Variants in APBB2 observed in about 807,000 individuals in gnomAD.
APBB2 encodes the protein Fe65-like 1.
A neutral mutation model predicts 82.5 loss-of-function variants in APBB2; 38 were observed. That is an observed-to-expected ratio of 0.46 (90% CI 0.36 to 0.60). The LOEUF (loss-of-function observed/expected upper bound fraction) is 0.60. APBB2 is among the 20% of genes least tolerant of loss of function. APBB2 has a pLI of 0.00. For missense variants in APBB2, 772 were observed against 972.3 expected, an observed-to-expected ratio of 0.79 and a Z score of 2.74; for synonymous variants, 341 against 368.2, an observed-to-expected ratio of 0.93 and a Z score of 0.85.
chr4:41,159,907 A>AAGGAGAAGGAGGAGGAGG (rs1267899128), intron 1 of APBB2, among the ~76,000 whole-genome samples: 1 of 35,620 alleles, frequency 2.8e-5, no homozygotes, highest in African/African-American at 1.3e-4. Flanking sequence ...GAAGAAGGAG[A>AAGGAGAAGGAGGAGGAGG]AGGAGGAGGA....
intron 10 of APBB2, among the ~76,000 whole-genome samples, chr4:40,932,544 A>T (rs1236290511): frequency 6.6e-6 from 1 of 152,168 alleles, no homozygotes; most frequent in Non-Finnish European, 1.5e-5. Context: ...CTACTAAGAA[A>T]ACCTATTTGC....
intron 6 of APBB2, among the ~76,000 whole-genome samples, chr4:40,992,921 A>G (rs1802552028): frequency 6.6e-6 from 1 of 151,840 alleles, no homozygotes; most frequent in South Asian, 2.1e-4. Context: ...GTTCTAGTCT[A>G]CTCTGCTGCT....
intron 1 of APBB2, among the ~76,000 whole-genome samples, chr4:41,147,481 CTTTT>C (rs558746840): frequency 7.8e-5 from 8 of 103,106 alleles, no homozygotes; most frequent in South Asian, 4.0e-4. Flanking sequence ...GTTTGGCCAG[CTTTT>C]TTTTTTTTTT....
At chr4:41,032,567 G>C (rs1442741194) in intron 5 of APBB2, among the ~76,000 whole-genome samples, 1 of 151,982 alleles carries the variant, frequency 6.6e-6, no homozygotes, top group Admixed American at 6.6e-5. Flanking sequence ...ATTGAGAAAC[G>C]CAACACCAAC....
chr4:40,825,586 C>G (rs1749634125), intron 15 of APBB2, among the ~76,000 whole-genome samples: 1 of 152,250 alleles, frequency 6.6e-6, no homozygotes, highest in Admixed American at 6.5e-5. Context: ...CGTTTCAGAG[C>G]AGCGGAGCTC....
At chr4:40,951,401 T>G (rs1439002074) in intron 6 of APBB2, among the ~76,000 whole-genome samples, 2 of 152,230 alleles carry the variant, frequency 1.3e-5, no homozygotes, top group African/African-American at 4.8e-5. Flanking sequence ...TTTCAGTACC[T>G]AAAAGATAAT....
At chr4:40,997,619 C>T (rs78689406) in intron 6 of APBB2, among the ~76,000 whole-genome samples, 6,368 of 152,192 alleles carry the variant, frequency 0.042, 271 homozygotes, top group African/African-American at 0.11. Flanking sequence ...AAGGGAACTT[C>T]GAGGAGTCTC....
intron 2 of APBB2, among the ~76,000 whole-genome samples, chr4:41,139,098 C>T (rs1182675487): frequency 6.6e-6 from 1 of 152,040 alleles, no homozygotes; most frequent in Non-Finnish European, 1.5e-5. Flanking sequence ...GAAATGGAAA[C>T]ATGTCCCATG....
intron 3 of APBB2, among the ~76,000 whole-genome samples, chr4:41,074,828 AAAAGGATTTTTGTAAACTCTAGATT>A: frequency 1.3e-5 from 2 of 151,926 alleles, no homozygotes; most frequent in Admixed American, 6.6e-5. Context: ...TGTTTTTTTT[AAAAGGATTTTTGTAAACTCTAGATT>A]AGAAATTAGA....
At chr4:41,163,352 G>A (rs1399229269) in intron 1 of APBB2, among the ~76,000 whole-genome samples, 1 of 152,170 alleles carries the variant, frequency 6.6e-6, no homozygotes, top group Non-Finnish European at 1.5e-5. Flanking sequence ...TATTAGAAGT[G>A]AGGATTCCAG....
intron 1 of APBB2, among the ~76,000 whole-genome samples, chr4:41,148,422 T>C (rs1761373302): frequency 6.6e-6 from 1 of 152,218 alleles, no homozygotes; most frequent in South Asian, 2.1e-4. Context: ...ATTAGCCAAC[T>C]TCATGGAGCT....
chr4:40,844,651 G>C (rs1257358832), intron 12 of APBB2, among the ~76,000 whole-genome samples: 1 of 152,150 alleles, frequency 6.6e-6, no homozygotes, highest in Admixed American at 6.6e-5. Flanking sequence ...ATCAAAGCCA[G>C]GCTTGGGTAG....
At chr4:41,085,570 G>C (rs369191225) in intron 3 of APBB2, among the ~76,000 whole-genome samples, 11 of 152,022 alleles carry the variant, frequency 7.2e-5, no homozygotes, top group African/African-American at 2.7e-4. Context: ...CTTTCCAGTT[G>C]GTTATCAAAT....
intron 10 of APBB2, among the ~76,000 whole-genome samples, chr4:40,895,223 G>A (rs879552217): frequency 1.3e-5 from 2 of 152,150 alleles, no homozygotes; most frequent in Admixed American, 6.5e-5. Flanking sequence ...AAAACAGCCC[G>A]TTTAAGCAAA....
At chr4:41,173,864 C>A (rs892016341) in intron 1 of APBB2, among the ~76,000 whole-genome samples, 1 of 152,116 alleles carries the variant, frequency 6.6e-6, no homozygotes, top group Admixed American at 6.6e-5. Context: ...ATATCCCCAC[C>A]ACTAAGTGAT....
intron 12 of APBB2, among the ~76,000 whole-genome samples, chr4:40,867,031 C>T (rs1166972673): frequency 6.6e-6 from 1 of 152,214 alleles, no homozygotes; most frequent in Non-Finnish European, 1.5e-5. Flanking sequence ...GTTGAGATTA[C>T]AGGCATGAGC....
intron 1 of APBB2, among the ~76,000 whole-genome samples, chr4:41,162,036 C>T (rs1765297982): frequency 6.6e-6 from 1 of 152,090 alleles, no homozygotes; most frequent in South Asian, 2.1e-4. Flanking sequence ...TTCCAGGCAT[C>T]ACACATCCTT....
chr4:40,837,220 G>A (rs541700446), intron 12 of APBB2, among the ~76,000 whole-genome samples: 12 of 152,216 alleles, frequency 7.9e-5, no homozygotes, highest in East Asian at 7.8e-4. Flanking sequence ...GCCATCAGGC[G>A]TCAGGCAGCC....
At chr4:40,879,696 C>CTT (rs928858768) in intron 12 of APBB2, among the ~76,000 whole-genome samples, 3 of 142,370 alleles carry the variant, frequency 2.1e-5, no homozygotes, top group African/African-American at 7.7e-5. Flanking sequence ...TTTTTTCTTT[C>CTT]TTTTTTTTTT....
Sources: allele counts gnomAD v4.1 joint callset (sites outside exome capture counted in the v4.1 genomes callset), GRCh38; gene constraint gnomAD v4.1.1; transcripts MANE v1.5; gene names NCBI Gene and HGNC (gene_info 2026-07-23, HGNC 2026-07-21).